CCDC91: variants seen among roughly 807,000 people sequenced by gnomAD.
CCDC91 encodes the protein coiled-coil domain-containing protein 91.
CCDC91 carries 48 observed loss-of-function variants against 63.2 expected under a neutral mutation model. The observed-to-expected ratio is 0.76, with a 90% CI of 0.60 to 0.97. The LOEUF is 0.97. Ranked by LOEUF, CCDC91 falls within the 50% of genes least tolerant of loss-of-function variation. CCDC91 has a pLI of 0.00. For synonymous variants in CCDC91, 167 were observed against 165.8 expected (o/e 1.01, Z -0.06); for missense variants, 500 against 494.6 (o/e 1.01, Z -0.10).
chr12:28,410,604 G>A (rs1227881509), intron 8 of CCDC91, among the ~76,000 whole-genome samples: 3 of 151,864 alleles, frequency 2.0e-5, no homozygotes, highest in Admixed American at 1.3e-4. Context: ...TCACTGCAAC[G>A]TCTGTCTCTT....
In CCDC91 at chr12:28,368,830, A is replaced by AAGAG. The variant is rs140061205; in HGVS notation, c.654+6337_654+6340dup. On this transcript the variant is annotated intron_variant, in intron 7 of 12. Transcript: ENST00000536442. ...CAAGGCAGCAGTGGGGAGAGAGAGA[A>AAGAG]AGAGAGAGAGAGAGAGAGAGAGAGA... is the stretch of plus-strand genomic sequence containing the variant. Among the ~76,000 whole-genome samples the AAGAG allele has an allele frequency of 4.9e-3, 722 of 148,622 alleles. 8 individuals are homozygous for AAGAG. The highest frequency in any genetic ancestry group is 0.017 in the African/African-American group (693 of 40,474).
At chr12:28,243,517 C>G (rs1427789389) in intron 1 of CCDC91, among the ~76,000 whole-genome samples, 1 of 151,994 alleles carries the variant, frequency 6.6e-6, no homozygotes, top group Non-Finnish European at 1.5e-5. Context: ...AGTACCTCTC[C>G]TATTAAAGTG....
At chr12:28,245,413 G>A (rs909925614) in intron 1 of CCDC91, among the ~76,000 whole-genome samples, 3 of 152,144 alleles carry the variant, frequency 2.0e-5, no homozygotes, top group Admixed American at 6.5e-5. Flanking sequence ...AAATTTCCTT[G>A]TAGTAAATAA....
At chr12:28,539,234 T>C (rs1156575310) in intron 12 of CCDC91, among the ~76,000 whole-genome samples, 1 of 152,188 alleles carries the variant, frequency 6.6e-6, no homozygotes, top group African/African-American at 2.4e-5. Context: ...GTTTTTATGG[T>C]TTTAGGTCTA....
intron 1 of CCDC91, among the ~76,000 whole-genome samples, chr12:28,196,519 GC>G (rs2121319659): frequency 6.6e-6 from 1 of 152,262 alleles, no homozygotes; most frequent in Non-Finnish European, 1.5e-5. Flanking sequence ...AGATATCCTT[GC>G]ATTGCTCTTC....
chr12:28,525,782 C>T (rs1941206890), intron 12 of CCDC91, among the ~76,000 whole-genome samples: 1 of 151,846 alleles, frequency 6.6e-6, no homozygotes, highest in African/African-American at 2.4e-5. Context: ...TTTGGGATCT[C>T]CCAAATTTAT....
intron 3 of CCDC91, among the ~76,000 whole-genome samples, chr12:28,261,122 G>A (rs1382864409): frequency 6.6e-6 from 1 of 151,916 alleles, no homozygotes; most frequent in African/African-American, 2.4e-5. Flanking sequence ...TGATTTTTGA[G>A]GTTTCAAGTC....
rs1946410941 is a variant in CCDC91, at chr12:28,398,303, G to T, written c.762+6892G>T. ...ATGGTATCTATTCTTGTATGTCTAGGTGCTTCTTGTGTGTCTAGATTTTTT... is the reference window on the plus strand; with the variant it reads ...ATGGTATCTATTCTTGTATGTCTAGTTGCTTCTTGTGTGTCTAGATTTTTT... On this transcript the variant is annotated intron_variant, in intron 8 of 12. Transcript: ENST00000536442. Among the ~76,000 whole-genome samples, 8 of 151,786 alleles carry T rather than the reference G, an allele frequency of 5.3e-5. No individual in the cohort carries two copies. The South Asian group carries it at 1.7e-3, about 32-fold the overall frequency.
intron 3 of CCDC91, among the ~76,000 whole-genome samples, chr12:28,290,486 G>A (rs1460505710): frequency 1.3e-5 from 2 of 152,038 alleles, no homozygotes; most frequent in Non-Finnish European, 2.9e-5. Context: ...TTTAATTAAG[G>A]CATTTAGCCC....
chr12:28,234,987 A>G (rs1486527917), intron 1 of CCDC91, among the ~76,000 whole-genome samples: 1 of 152,198 alleles, frequency 6.6e-6, no homozygotes, highest in Admixed American at 6.6e-5. Flanking sequence ...TGGTCTTTGC[A>G]TAACTGGCAG....
chr12:28,502,774 C>T (rs867092027), intron 12 of CCDC91, among the ~76,000 whole-genome samples: 30 of 149,970 alleles, frequency 2.0e-4, no homozygotes, highest in Middle Eastern at 6.9e-3. Flanking sequence ...TCAGAAATAA[C>T]GCTGCATATC....
intron 8 of CCDC91, among the ~76,000 whole-genome samples, chr12:28,394,465 AAAAC>A (rs1440357898): frequency 3.2e-4 from 49 of 151,834 alleles, no homozygotes; most frequent in Middle Eastern, 3.4e-3. Flanking sequence ...CTGTCTCAAA[AAAAC>A]AAACAAACAA....
At chr12:28,391,172 TAAC>T in intron 7 of CCDC91, 129 bp from the exon 8 acceptor site, 1 of 534,908 alleles carries the variant, frequency 1.9e-6, no homozygotes, top group South Asian at 2.9e-5. Context: ...GCTTCAGTAT[TAAC>T]AAATACATAT....
rs1347622603 is a variant in CCDC91 at position 28,518,586 on chromosome 12, C to T, written c.1216-30477C>T. On this transcript the variant is annotated intron_variant, in intron 12 of 12. Transcript: ENST00000536442. ...CAGATGTATAGATTGTGAAGATTTT[C>T]TCCCACTCTGTGGGTTGTCTGTTTA... 2.6e-5 allele frequency among the ~76,000 whole-genome samples: 4 copies of T among 152,050 alleles called. No individual in the cohort carries two copies. In the East Asian group the frequency reaches 5.8e-4, roughly 22 times the overall value.
intron 1 of CCDC91, among the ~76,000 whole-genome samples, chr12:28,196,331 T>C (rs1941765262): frequency 1.4e-5 from 2 of 145,792 alleles, no homozygotes; most frequent in East Asian, 3.9e-4. Flanking sequence ...TTTTTGAATT[T>C]TACAACCTTG....
At chr12:28,524,672 T>G (rs1941092520) in intron 12 of CCDC91, among the ~76,000 whole-genome samples, 1 of 152,082 alleles carries the variant, frequency 6.6e-6, no homozygotes, top group Admixed American at 6.6e-5. Context: ...GTCAATAGGA[T>G]TGGTAACAGT....
At chr12:28,212,628 T>G (rs969320516) in intron 1 of CCDC91, among the ~76,000 whole-genome samples, 3 of 152,210 alleles carry the variant, frequency 2.0e-5, no homozygotes, top group African/African-American at 7.2e-5. Context: ...TATTTAGTTT[T>G]CTTTAACACA....
At chr12:28,394,480 A>AC (rs942476004) in intron 8 of CCDC91, among the ~76,000 whole-genome samples, 18 of 152,112 alleles carry the variant, frequency 1.2e-4, no homozygotes, top group East Asian at 7.7e-4. Context: ...AAACAAACAA[A>AC]AAAAAAACAA....
intron 12 of CCDC91, among the ~76,000 whole-genome samples, chr12:28,498,620 T>C (rs1452188070): frequency 6.6e-6 from 1 of 151,668 alleles, no homozygotes; most frequent in African/African-American, 2.4e-5. Context: ...TCAATAATTA[T>C]TTAATCTACC....
Sources: gnomAD v4.1 joint callset for allele counts (sites outside exome capture counted in the v4.1 genomes callset) on GRCh38, gnomAD v4.1.1 for gene constraint, MANE v1.5 for transcripts, NCBI Gene and HGNC (gene_info 2026-07-23, HGNC 2026-07-21) for gene names.